PLXNA2: variants seen among roughly 807,000 people sequenced by gnomAD.
PLXNA2 encodes the protein plexin A2.
In PLXNA2, 91 loss-of-function variants were observed where a neutral mutation model predicts 193.5. The ratio of observed to expected loss-of-function variants is 0.47; its 90% confidence interval spans 0.40 to 0.56. PLXNA2 has a LOEUF of 0.56. PLXNA2 is among the 20% of genes least tolerant of loss of function. The pLI is 0.00. For synonymous variants in PLXNA2, 997 were observed against 1,027.3 expected, an observed-to-expected ratio of 0.97 and a Z score of 0.56; for missense variants, 1,995 against 2,503.2, an observed-to-expected ratio of 0.80 and a Z score of 4.33.
At chr1:208,235,819 G>GAGA (rs1195978155) in intron 1 of PLXNA2, among the ~76,000 whole-genome samples, 1 of 152,144 alleles carries the variant, frequency 6.6e-6, no homozygotes, top group Non-Finnish European at 1.5e-5. Flanking sequence ...CTAAGTCTGT[G>GAGA]GGCCAAGAAA....
intron 3 of PLXNA2, chr1:208,209,983 A>AATTTTTTTTTTT (rs34413554): frequency 0.014 from 1,225 of 87,826 alleles, 364 homozygotes; most frequent in South Asian, 0.021. Flanking sequence ...ATGAAGAGCA[A>AATTTTTTTTTTT]TTTTTTTTTT....
At chr1:208,031,339 C>A in intron 29 of PLXNA2, 5 of 1,343,590 alleles carry the variant, frequency 3.7e-6, no homozygotes, top group Non-Finnish European at 4.8e-6. Flanking sequence ...TGGTCACAAC[C>A]TGGAGGGGCA....
At chr1:208,221,250 C>G (rs1671322222) in intron 1 of PLXNA2, among the ~76,000 whole-genome samples, 1 of 152,152 alleles carries the variant, frequency 6.6e-6, no homozygotes, top group African/African-American at 2.4e-5. Context: ...TATAAGATTT[C>G]CTTTTTCAGA....
At chr1:208,173,791 G>A (rs987694669) in intron 3 of PLXNA2, among the ~76,000 whole-genome samples, 6 of 152,198 alleles carry the variant, frequency 3.9e-5, no homozygotes, top group Non-Finnish European at 8.8e-5. Context: ...AGAAGGAGGA[G>A]AACTAAAATT....
chr1:208,198,368 C>T (rs1009629700), intron 3 of PLXNA2, among the ~76,000 whole-genome samples: 6 of 152,186 alleles, frequency 3.9e-5, no homozygotes, highest in African/African-American at 7.2e-5. Context: ...AAGAAGAGCC[C>T]GGGGGCTCCG....
At chr1:208,081,023 C>T (rs977700073) in intron 11 of PLXNA2, among the ~76,000 whole-genome samples, 2 of 152,206 alleles carry the variant, frequency 1.3e-5, no homozygotes, top group Non-Finnish European at 2.9e-5. Context: ...AATGTGAAGA[C>T]AACGCTGTCT....
intron 29 of PLXNA2, 165 bp from the exon 30 acceptor site, chr1:208,029,207 A>G: frequency 7.0e-7 from 1 of 1,437,400 alleles, no homozygotes; most frequent in Non-Finnish European, 9.1e-7. Context: ...CAAAGCTGTT[A>G]CTGACCTGGG....
intron 5 of PLXNA2, among the ~76,000 whole-genome samples, chr1:208,102,172 C>T (rs1667117444): frequency 1.3e-5 from 2 of 152,208 alleles, no homozygotes; most frequent in African/African-American, 4.8e-5. Context: ...TGTGAGGCAC[C>T]AGCTTCCCTC....
chr1:208,046,296 G>T (rs1207187578), intron 17 of PLXNA2, among the ~76,000 whole-genome samples, 179 bp from the exon 18 acceptor site: 1 of 152,182 alleles, frequency 6.6e-6, no homozygotes, highest in Non-Finnish European at 1.5e-5. Context: ...GGAGTGGGGG[G>T]CATTTTAGCT....
At chr1:208,195,883 C>T (rs936924420) in intron 3 of PLXNA2, among the ~76,000 whole-genome samples, 4 of 151,856 alleles carry the variant, frequency 2.6e-5, no homozygotes, top group Non-Finnish European at 5.9e-5. Flanking sequence ...ACCACCAATC[C>T]GTCTGAGACT....
At chr1:208,196,224 C>T (rs936643434) in intron 3 of PLXNA2, among the ~76,000 whole-genome samples, 3 of 152,138 alleles carry the variant, frequency 2.0e-5, no homozygotes, top group Non-Finnish European at 2.9e-5. Flanking sequence ...ACAGGAATCC[C>T]ATCCCTGCCC....
chr1:208,099,736 A>G (rs1667031512), intron 5 of PLXNA2, among the ~76,000 whole-genome samples: 1 of 151,766 alleles, frequency 6.6e-6, no homozygotes, highest in South Asian at 2.1e-4. Flanking sequence ...GTGCCCGGCT[A>G]ATTTTTATAT....
chr1:208,191,465 A>G (rs192987895), intron 3 of PLXNA2, among the ~76,000 whole-genome samples: 2 of 152,352 alleles, frequency 1.3e-5, no homozygotes, highest in African/African-American at 4.8e-5. Flanking sequence ...AGAGAAAAGA[A>G]AAAGGACAAT....
chr1:208,177,909 G>GGCTAGACTTT (rs1669709518), intron 3 of PLXNA2, among the ~76,000 whole-genome samples: 2 of 152,226 alleles, frequency 1.3e-5, no homozygotes, highest in South Asian at 4.1e-4. Context: ...AGAATCACTG[G>GGCTAGACTTT]GCTAGACTTT....
Position 208,229,131 on chromosome 1 carries a change from T to C in PLXNA2, c.-80-11129A>G, listed in dbSNP as rs552964009. Among the ~76,000 whole-genome samples the C allele has an allele frequency of 1.8e-4, 28 of 152,292 alleles. 1 individual carries two copies. The East Asian group carries it at 4.9e-3, about 26-fold the overall frequency. Reference sequence around the variant, plus strand: ...TACAGGTCTGCCTCAGTACACAGGCTAAATTTCCTCTTCCTTCCTTGTCTT... The same window carrying C: ...TACAGGTCTGCCTCAGTACACAGGCCAAATTTCCTCTTCCTTCCTTGTCTT... On this transcript the variant is annotated intron_variant, in intron 1 of 31. Transcript: ENST00000367033.
intron 5 of PLXNA2, among the ~76,000 whole-genome samples, chr1:208,100,456 A>G (rs1231908665): frequency 6.6e-6 from 1 of 152,200 alleles, no homozygotes; most frequent in Non-Finnish European, 1.5e-5. Context: ...GGCGCATAGT[A>G]GGTGCCATGA....
intron 5 of PLXNA2, among the ~76,000 whole-genome samples, chr1:208,101,020 AT>A (rs1247878054): frequency 1.3e-5 from 2 of 152,212 alleles, no homozygotes; most frequent in Admixed American, 6.5e-5. Context: ...CACATAATGG[AT>A]CTAAATATGA....
intron 3 of PLXNA2, among the ~76,000 whole-genome samples, chr1:208,209,598 A>G (rs1474225488): frequency 1.3e-5 from 2 of 152,218 alleles, no homozygotes; most frequent in Non-Finnish European, 2.9e-5. Flanking sequence ...GCTGCACAAG[A>G]GGCCTCCCAT....
chr1:208,088,610 T>C (rs12738587), intron 9 of PLXNA2, among the ~76,000 whole-genome samples: 67,141 of 152,136 alleles, frequency 0.44, 15,075 homozygotes, highest in Non-Finnish European at 0.46. Context: ...AGGAAGAGAT[T>C]TGGGGGGCCC....
Sources: allele counts gnomAD v4.1 joint callset (sites outside exome capture counted in the v4.1 genomes callset), GRCh38; gene constraint gnomAD v4.1.1; transcripts MANE v1.5; gene names NCBI Gene and HGNC (gene_info 2026-07-23, HGNC 2026-07-21).